The following NOL4L variants were observed in gnomAD, a reference collection of about 807,000 sequenced individuals.
The protein encoded by NOL4L is nucleolar protein 4 like, also known as nucleolar protein 4-like.
In NOL4L, 7 loss-of-function variants were observed where a neutral mutation model predicts 64.5. That is an observed-to-expected ratio of 0.11 (90% confidence interval 0.06 to 0.20). The LOEUF (loss-of-function observed/expected upper bound fraction) is 0.20. Ranked by LOEUF, NOL4L falls within the 10% of genes least tolerant of loss-of-function variation. The pLI is 1.00. For missense variants in NOL4L, 680 were observed against 967.1 expected, an observed-to-expected ratio of 0.70 and a Z score of 3.94; for synonymous variants, 413 against 401.0, an observed-to-expected ratio of 1.03 and a Z score of -0.36.
chr20:32,522,243 T>C (rs2017971792), intron 2 of NOL4L, among the ~76,000 whole-genome samples: 1 of 152,202 alleles, frequency 6.6e-6, no homozygotes, highest in Non-Finnish European at 1.5e-5. Context: ...GCGAAGTTAA[T>C]TTTGGTGACA....
chr20:32,527,984 G>A, intron 1 of NOL4L, 71 bp from the exon 2 acceptor site: 1 of 1,466,608 alleles, frequency 6.8e-7, no homozygotes, highest in Non-Finnish European at 9.2e-7. Context: ...CCTGAGGCCG[G>A]GGCAAGGGGT....
At chr20:32,485,071 A>AAAAAAAAAAAAAAAAAAAAAAAAC (rs1568643062) in intron 4 of NOL4L, among the ~76,000 whole-genome samples, 1 of 146,330 alleles carries the variant, frequency 6.8e-6, no homozygotes, top group Non-Finnish European at 1.5e-5. Context: ...AAAAAAAAAA[A>AAAAAAAAAAAAAAAAAAAAAAAAC]AAAAAAAAAA....
At chr20:32,511,642 A>T (rs1182244483) in intron 3 of NOL4L, among the ~76,000 whole-genome samples, 186 bp from the exon 4 acceptor site, 1 of 150,418 alleles carries the variant, frequency 6.6e-6, no homozygotes, top group African/African-American at 2.4e-5. Context: ...TGTCAAAAAT[A>T]TTTTTTTTTT....
chr20:32,513,074 T>C (rs757813989), intron 3 of NOL4L, among the ~76,000 whole-genome samples: 3 of 152,226 alleles, frequency 2.0e-5, no homozygotes, highest in Non-Finnish European at 4.4e-5. Context: ...AGATTCATTT[T>C]GCCCCAGCCT....
rs368195783 is a variant in NOL4L, at chr20:32,575,338, A to C, written c.321+9232T>G. ...ATGTTCTTCCAAACATGCTTCTCTA[A>C]GAAAATTGGCCCTGGGATCCGTCGT... On this transcript the variant is annotated intron_variant, in intron 1 of 10. Transcript: ENST00000621426. Among the ~76,000 whole-genome samples the C allele has an allele frequency of 2.1e-3, 325 of 152,166 alleles. 1 individual carries two copies. Among genetic ancestry groups the C allele is most frequent in the African/African-American group, 7.6e-3 (317 of 41,506 alleles).
intron 1 of NOL4L, among the ~76,000 whole-genome samples, chr20:32,541,147 G>A (rs868197703): frequency 3.9e-5 from 6 of 152,194 alleles, no homozygotes; most frequent in South Asian, 2.1e-4. Flanking sequence ...ATACTAGCCC[G>A]TGTCAGCCCC....
At chr20:32,580,936 G>T (rs1337740730) in intron 1 of NOL4L, among the ~76,000 whole-genome samples, 1 of 152,258 alleles carries the variant, frequency 6.6e-6, no homozygotes, top group African/African-American at 2.4e-5. Flanking sequence ...AAAAGGAAAG[G>T]GGTTGTTTTA....
chr20:32,516,498 C>T (rs975748372), intron 3 of NOL4L, among the ~76,000 whole-genome samples: 1 of 152,070 alleles, frequency 6.6e-6, no homozygotes, highest in African/African-American at 2.4e-5. Flanking sequence ...GCCCCGGAGT[C>T]GCTCAAGGAA....
intron 4 of NOL4L, among the ~76,000 whole-genome samples, chr20:32,506,340 C>T (rs2017138960): frequency 6.6e-6 from 1 of 151,968 alleles, no homozygotes; most frequent in Non-Finnish European, 1.5e-5. Context: ...CACCCAGGCC[C>T]TCTCTGCTTG....
intron 1 of NOL4L, chr20:32,536,350 G>C (rs1013864665): frequency 1.0e-6 from 1 of 983,920 alleles, no homozygotes; most frequent in South Asian, 4.7e-5. Flanking sequence ...GAGAGCCCCA[G>C]GTGCGGGCCC....
chr20:32,564,828 C>G (rs1459912521), intron 1 of NOL4L, among the ~76,000 whole-genome samples: 1 of 152,272 alleles, frequency 6.6e-6, no homozygotes, highest in Non-Finnish European at 1.5e-5. Flanking sequence ...GCGGCTAGAG[C>G]CTGGGGCCAG....
intron 3 of NOL4L, among the ~76,000 whole-genome samples, chr20:32,516,163 G>A (rs1409775704): frequency 6.6e-6 from 1 of 152,122 alleles, no homozygotes; most frequent in Non-Finnish European, 1.5e-5. Flanking sequence ...AGGCAGGGGT[G>A]GGCGTCGAAG....
chr20:32,558,075 T>G (rs1399342741), intron 1 of NOL4L, among the ~76,000 whole-genome samples: 1 of 152,158 alleles, frequency 6.6e-6, no homozygotes, highest in Non-Finnish European at 1.5e-5. Context: ...ATAATGTGAA[T>G]GCACTGATAT....
chr20:32,465,020 T>C, intron 5 of NOL4L: 1 of 625,398 alleles, frequency 1.6e-6, no homozygotes, highest in Admixed American at 2.9e-5. Flanking sequence ...TGAAATCATT[T>C]CTCTCTGCAG....
chr20:32,473,426 C>T (rs1401609948), intron 5 of NOL4L, among the ~76,000 whole-genome samples: 2 of 152,176 alleles, frequency 1.3e-5, no homozygotes, highest in Non-Finnish European at 2.9e-5. Flanking sequence ...GCTGGCAGCA[C>T]GAGGGGGTCG....
At chr20:32,534,114 C>T (rs143270047) in intron 1 of NOL4L, among the ~76,000 whole-genome samples, 1 of 152,324 alleles carries the variant, frequency 6.6e-6, no homozygotes, top group East Asian at 1.9e-4. Context: ...GTGCCACCAT[C>T]ACTATATTAG....
intron 1 of NOL4L, among the ~76,000 whole-genome samples, chr20:32,575,805 G>A (rs1200915459): frequency 6.6e-6 from 1 of 152,222 alleles, no homozygotes; most frequent in African/African-American, 2.4e-5. Flanking sequence ...AAAGAGAGAT[G>A]GGAGATGGTC....
chr20:32,527,999 A>C, intron 1 of NOL4L, 86 bp from the exon 2 acceptor site: 1 of 1,077,752 alleles, frequency 9.3e-7, no homozygotes, highest in Non-Finnish European at 1.3e-6. Context: ...AGGGGTCAGG[A>C]CGGGCAATGC....
Position 32,567,957 on chromosome 20 carries a change from TCAC to T in NOL4L, c.321+16610_321+16612del, listed in dbSNP as rs774656387. Among the ~76,000 whole-genome samples, 83 of 151,602 alleles carry T rather than the reference TCAC, an allele frequency of 5.5e-4. 1 individual carries two copies. Among genetic ancestry groups the T allele is most frequent in the Non-Finnish European group, 8.4e-4 (57 of 67,892 alleles). On this transcript the variant is annotated intron_variant, in intron 1 of 10. Coordinates refer to ENST00000621426, the MANE Select transcript of NOL4L (RefSeq NM_001256798.2). Reference sequence around the variant, plus strand: ...ATCATCACCATCACCATCATCTTCATCACCACCATCATCGTCACCATCATCGTC... The same window carrying T: ...ATCATCACCATCACCATCATCTTCATCACCATCATCGTCACCATCATCGTC...
Sources: gnomAD v4.1 joint callset for allele counts (sites outside exome capture counted in the v4.1 genomes callset) on GRCh38, gnomAD v4.1.1 for gene constraint, MANE v1.5 for transcripts, NCBI Gene and HGNC (gene_info 2026-07-23, HGNC 2026-07-21) for gene names.